The following ATAD5 variants were observed in gnomAD, a reference collection of about 807,000 sequenced individuals.
ATAD5 encodes the protein ATPase family AAA domain containing 5, also known as ATPase family AAA domain-containing protein 5.
In ATAD5, 58 loss-of-function variants were observed where a neutral mutation model predicts 176.9. The ratio of observed to expected loss-of-function variants is 0.33; its 90% CI spans 0.27 to 0.41. ATAD5 has a LOEUF of 0.41. Among genes scored for constraint, ATAD5 ranks in the 10% least tolerant of loss-of-function variants. The probability of loss-of-function intolerance (pLI) is 1.00; values close to 1 mark genes in which losing one functional copy is unlikely to be tolerated. For synonymous variants in ATAD5, 640 were observed against 712.6 expected (o/e 0.90, Z 1.62); for missense variants, 1,789 against 2,094.1 (o/e 0.85, Z 2.84).
chr17:30,863,745 AC>A (rs934751498), intron 10 of ATAD5, among the ~76,000 whole-genome samples: 4 of 137,540 alleles, frequency 2.9e-5, no homozygotes, highest in African/African-American at 1.1e-4. Context: ...GCTCACTGCA[AC>A]CTCCACCTCC....
At chr17:30,889,886 C>CTTTTTTTTTTTTTTTTTTTTTTT (rs60266614) in intron 19 of ATAD5, among the ~76,000 whole-genome samples, 2 of 95,688 alleles carry the variant, frequency 2.1e-5, no homozygotes, top group Non-Finnish European at 2.0e-5. Flanking sequence ...TCTTTTCTTT[C>CTTTTTTTTTTTTTTTTTTTTTTT]TTTTTTTTTT....
rs1413452582 is a variant in ATAD5 at position 30,893,706 on chromosome 17, A to G, written c.4853A>G (p.Asn1618Ser). ...GAAAGCAAAGCCAGAGACAAAGGAA[A>G]CAATCCAGAGACAAAGAAATCTATT... ...DEESKARDKGNNPETKKSIPC... is the reference protein window; with the variant it reads ...DEESKARDKGSNPETKKSIPC... Residue 1618 changes from asparagine (N) to serine (S), a missense_variant, in exon 21 of 23, where the codon AAC becomes AGC. Around this residue, in one of 6 missense-constraint regions of ATAD5, gnomAD observed 403 missense variants for 495.1 expected, o/e 0.81. Transcript: ENST00000321990. 2 of 1,613,692 alleles carry G rather than the reference A, an allele frequency of 1.2e-6. No individual in the cohort carries two copies. Among genetic ancestry groups the G allele is most frequent in the Admixed American group, 1.7e-5 (1 of 59,958 alleles).
At position 30,866,711 on chromosome 17, in the gene ATAD5, A is replaced by G. The variant is rs184589676; in HGVS notation, c.3233+911A>G. 5.1e-3 allele frequency among the ~76,000 whole-genome samples: 779 copies of G among 152,048 alleles called. 7 individuals carry two copies. The highest frequency in any genetic ancestry group is 0.01 in the Middle Eastern group (3 of 292). On this transcript the variant is annotated intron_variant, in intron 11 of 22. Transcript: ENST00000321990. ...ACGCCTGTAATCCTGGCTACTGGAG[A>G]GGCTGAGGCATGAGAATCGCCTGAA...
Position 30,869,549 on chromosome 17 carries a change from G to C in ATAD5, c.3510G>C (p.Gln1170His). The C allele has an allele frequency of 6.2e-7, 1 of 1,612,542 alleles. No homozygotes were observed. Among genetic ancestry groups the C allele is most frequent in the Non-Finnish European group, 8.5e-7 (1 of 1,179,722 alleles). ...SQRSGRQILS[Q>H]LKEATQSHQV... ...GCAGTGGTAGACAAATTCTATCTCA[G>C]TTGAAGGAAGCTACTCAGTCCCATC... The change falls in exon 14 of 23, where the codon CAG becomes CAC. Residue 1170 changes from glutamine to histidine, a missense_variant. Gln to His is a conservative substitution (Grantham distance 24). This residue lies in a region of ATAD5 where 194 missense variants were observed against 270.1 expected (regional missense o/e 0.72). Coordinates refer to ENST00000321990, the MANE Select transcript of ATAD5 (RefSeq NM_024857.5).
chr17:30,853,599 G>A (rs898043256), intron 6 of ATAD5, among the ~76,000 whole-genome samples: 1 of 152,146 alleles, frequency 6.6e-6, no homozygotes, highest in African/African-American at 2.4e-5. Context: ...AAAAGTTTTT[G>A]TAGTCTCTTT....
chr17:30,851,126 TA>T (rs1322963726), intron 6 of ATAD5, among the ~76,000 whole-genome samples: 1 of 143,458 alleles, frequency 7.0e-6, no homozygotes, highest in Non-Finnish European at 1.5e-5. Flanking sequence ...TGACCTCAGG[TA>T]ATCCACCTGC....
At chr17:30,876,312 T>C in intron 14 of ATAD5, 62 bp from the exon 15 acceptor site, 1 of 1,417,844 alleles carries the variant, frequency 7.1e-7, no homozygotes. Flanking sequence ...TGTGGCTAAC[T>C]GTCTTGCTAC....
intron 12 of ATAD5, among the ~76,000 whole-genome samples, chr17:30,868,698 G>T (rs1423287287): frequency 2.6e-5 from 4 of 151,112 alleles, no homozygotes; most frequent in African/African-American, 9.7e-5. Flanking sequence ...GTAGAGATGG[G>T]GTTTCACCAT....
intron 6 of ATAD5, among the ~76,000 whole-genome samples, chr17:30,848,351 T>C (rs915871864): frequency 6.6e-6 from 1 of 151,488 alleles, no homozygotes; most frequent in African/African-American, 2.4e-5. Context: ...GGTCAGGTGA[T>C]CGTCCCTCCC....
At chr17:30,847,154 C>G (rs1906557925) in intron 6 of ATAD5, among the ~76,000 whole-genome samples, 1 of 152,182 alleles carries the variant, frequency 6.6e-6, no homozygotes, top group South Asian at 2.1e-4. Context: ...CATGCAATCT[C>G]TTATCTGCTT....
intron 18 of ATAD5, among the ~76,000 whole-genome samples, chr17:30,886,040 A>G (rs578070233): frequency 2.4e-4 from 37 of 151,944 alleles, no homozygotes; most frequent in Admixed American, 2.1e-3. Context: ...ATACTGACTG[A>G]TTTTCTAATG....
At chr17:30,863,249 G>T (rs1456823679) in intron 10 of ATAD5, among the ~76,000 whole-genome samples, 10 of 152,110 alleles carry the variant, frequency 6.6e-5, no homozygotes, top group African/African-American at 2.2e-4. Context: ...AGGCTGGACT[G>T]TGGTAGCATG....
chr17:30,876,592 A>G, intron 15 of ATAD5, 42 bp downstream of exon 15: 1 of 1,299,354 alleles, frequency 7.7e-7, no homozygotes, highest in South Asian at 1.4e-5. Context: ...TTTAATAATA[A>G]TGACCCTTAT....
At chr17:30,876,698 T>G in intron 15 of ATAD5, 148 bp downstream of exon 15, 1 of 377,792 alleles carries the variant, frequency 2.6e-6, no homozygotes, top group Non-Finnish European at 4.5e-6. Flanking sequence ...TAATATTTTG[T>G]TTCCTTTTTT....
At chr17:30,884,830 C>G (rs1393252753) in intron 18 of ATAD5, among the ~76,000 whole-genome samples, 1 of 149,544 alleles carries the variant, frequency 6.7e-6, no homozygotes, top group Admixed American at 6.7e-5. Context: ...TCACTGCAAG[C>G]TCCGCCTCCT....
rs1598004095 is a variant in ATAD5, at chr17:30,893,400, C to G, written c.4547C>G (p.Pro1516Arg). ...TATAGTAATCTTGAGTTTATTCTAC[C>G]ATTACCAGTTGATACCATTCCAGAA... The part of the protein sequence containing the change: ...FLYSNLEFIL[P>R]LPVDTIPETK... Residue 1516 changes from proline (P) to arginine (R), a missense_variant, in exon 21 of 23, where the codon CCA (proline) becomes CGA (arginine). This residue lies in a region of ATAD5 where 403 missense variants were observed against 495.1 expected (regional missense o/e 0.81). Coordinates refer to ENST00000321990, the MANE Select transcript of ATAD5 (RefSeq NM_024857.5). The G allele has an allele frequency of 6.2e-7, 1 of 1,612,840 alleles. No individual in the cohort carries two copies. The highest frequency in any genetic ancestry group is 8.5e-7 in the Non-Finnish European group (1 of 1,179,314).
intron 3 of ATAD5, among the ~76,000 whole-genome samples, chr17:30,837,702 G>A (rs1466442204): frequency 6.6e-6 from 1 of 152,166 alleles, no homozygotes; most frequent in African/African-American, 2.4e-5. Flanking sequence ...CACGATCAAA[G>A]CATCAGCTAT....
chr17:30,832,433 C>A lies in ATAD5; in HGVS notation c.66+20C>A. ...ATTGAGGTGAGGTTGAGTCGAGGAT[C>A]TGTTGAGTTCCTTCCTCTATCTTTT... On this transcript the variant is annotated intron_variant, in intron 1 of 22. Coordinates refer to ENST00000321990, the MANE Select transcript of ATAD5 (RefSeq NM_024857.5). The A allele has an allele frequency of 6.5e-7, 1 of 1,531,588 alleles. No individual in the cohort carries two copies. The allele number at this position is 1,531,588 out of a possible 1,614,324, so 94.9% of individuals were successfully genotyped here. A position where few individuals can be genotyped will look rare whatever the true frequency, so the allele number is the denominator to read the frequency against.
rs780816463 is a variant in ATAD5 at position 30,834,732 on chromosome 17, T to C, written c.651T>C (p.Ser217=). 20 of 1,613,698 alleles carry C rather than the reference T, an allele frequency of 1.2e-5. No homozygotes were observed. Among genetic ancestry groups the C allele is most frequent in the Non-Finnish European group, 1.7e-5 (20 of 1,179,854 alleles). The change falls in exon 2 of 23, where the codon TCT becomes TCC. Residue 217 remains serine, a synonymous_variant. Transcript: ENST00000321990. ...KRKCRDVVDL[S]ESLPLAEELN... is the part of the protein sequence containing the mutation. ...AATGCAGAGATGTAGTAGATCTATC[T>C]GAAAGCTTACCCTTGGCAGAGGAAC... is the stretch of plus-strand genomic sequence containing the variant.
Sources: allele counts gnomAD v4.1 joint callset (sites outside exome capture counted in the v4.1 genomes callset), GRCh38; gene constraint gnomAD v4.1.1; regional missense constraint gnomAD v4.1.1; transcripts MANE v1.5; gene names NCBI Gene and HGNC (gene_info 2026-07-23, HGNC 2026-07-21).